The following GIT1 variants were observed in gnomAD, a reference collection of about 807,000 sequenced individuals.
GIT1 encodes the protein GIT ArfGAP 1.
A neutral mutation model predicts 91.7 loss-of-function variants in GIT1; 14 were observed. The ratio of observed to expected loss-of-function variants is 0.15; its 90% CI spans 0.10 to 0.24. GIT1 has a LOEUF of 0.24. GIT1 is among the 10% of genes least tolerant of loss of function. The pLI, the probability that GIT1 is intolerant of heterozygous loss-of-function variation, is 1.00. For synonymous variants in GIT1, 414 were observed against 418.2 expected (o/e 0.99, Z 0.12); for missense variants, 717 against 1,024.9 (o/e 0.70, Z 4.10).
At chr17:29,578,147 G>T in intron 9 of GIT1, 152 bp downstream of exon 9, 1 of 691,214 alleles carries the variant, frequency 1.4e-6, no homozygotes, top group Non-Finnish European at 2.6e-6. Flanking sequence ...CTGGGATGCT[G>T]CCCAGGCAGG....
rs780882502 is a variant in GIT1, at chr17:29,583,527, C to A, written c.142G>T (p.Val48Phe). The change falls in exon 2 of 20, where the codon GTC becomes TTC. Residue 48 changes from valine (V) to phenylalanine (F), a missense_variant. Coordinates refer to ENST00000225394, the MANE Select transcript of GIT1 (RefSeq NM_014030.4). The stretch of plus-strand genomic sequence containing the variant: ...CAGGCGCTGTGGCGAAGGTGCTTGA[C>A]AATGGAGATGTGGCGTCCCAGGCTC... ...HRSLGRHISIVKHLRHSAWPP... is the reference protein window; with the variant it reads ...HRSLGRHISIFKHLRHSAWPP... 1.2e-6 allele frequency: 2 copies of A among 1,612,562 alleles called. No individual in the cohort carries two copies.
intron 1 of GIT1, among the ~76,000 whole-genome samples, chr17:29,586,075 AG>A (rs2033586535): frequency 1.3e-5 from 2 of 152,182 alleles, no homozygotes; most frequent in Admixed American, 1.3e-4. Context: ...CTAAGGGAAA[AG>A]CCCACATCAT....
At chr17:29,585,909 A>G (rs1598580194) in intron 1 of GIT1, among the ~76,000 whole-genome samples, 1 of 152,116 alleles carries the variant, frequency 6.6e-6, no homozygotes, top group Admixed American at 6.5e-5. Context: ...TGATCCTGGG[A>G]TCACGTTAAC....
At position 29,581,590 on chromosome 17, in the gene GIT1, G is replaced by A. The variant is rs2033397059; in HGVS notation, c.718+152C>T. ...AGCCCCAGCGATGCTATGGCCCAGA[G>A]CCTGCAGTAATTTCACAGGAGCCAG... On this transcript the variant is annotated intron_variant, in intron 6 of 19. Coordinates refer to ENST00000225394, the MANE Select transcript of GIT1 (RefSeq NM_014030.4). This position sits in a 1 kb window ranked among gnomAD's most constrained non-coding sequence, Gnocchi z 4.8. The A allele has an allele frequency of 1.4e-6, 1 of 701,842 alleles. No homozygotes were observed. Among genetic ancestry groups the A allele is most frequent in the African/African-American group, 1.8e-5 (1 of 57,134 alleles). The allele number at this position is 701,842 out of a possible 1,614,324, so 43.5% of individuals were successfully genotyped here.
At chr17:29,577,329 T>G in intron 10 of GIT1, 82 bp from the exon 11 acceptor site, 1 of 1,052,274 alleles carries the variant, frequency 9.5e-7, no homozygotes, top group Non-Finnish European at 1.5e-6. Flanking sequence ...TAGCAAGGCA[T>G]GGCTCTGCCA....
At chr17:29,585,821 GAACTCGTC>G (rs921563782) in intron 1 of GIT1, among the ~76,000 whole-genome samples, 2 of 152,196 alleles carry the variant, frequency 1.3e-5, no homozygotes, top group African/African-American at 4.8e-5. Flanking sequence ...AACTGTAAGG[GAACTCGTC>G]AGCCCTCCCC....
chr17:29,578,674 TG>T, intron 8 of GIT1, 56 bp downstream of exon 8: 4 of 1,423,116 alleles, frequency 2.8e-6, no homozygotes, highest in East Asian at 2.3e-5. Context: ...GAGCAGAGGG[TG>T]GGGGATCAGA....
intron 2 of GIT1, 144 bp from the exon 3 acceptor site, chr17:29,583,181 T>G: frequency 1.5e-6 from 1 of 658,804 alleles, no homozygotes; most frequent in Non-Finnish European, 2.7e-6. Flanking sequence ...CACACCTCCA[T>G]CTAGTCCAGC....
At chr17:29,588,096 C>A (rs1335594587) in intron 1 of GIT1, among the ~76,000 whole-genome samples, 1 of 152,186 alleles carries the variant, frequency 6.6e-6, no homozygotes, top group Non-Finnish European at 1.5e-5. Flanking sequence ...TAGCTTGGCA[C>A]CCCCAGAACC....
At chr17:29,586,691 T>G (rs1196462694) in intron 1 of GIT1, among the ~76,000 whole-genome samples, 1 of 152,176 alleles carries the variant, frequency 6.6e-6, no homozygotes, top group Non-Finnish European at 1.5e-5. Flanking sequence ...AGGCCTTCAC[T>G]CTCACCCCCA....
In GIT1 at chr17:29,578,506, G is replaced by C. The variant is rs1598569538; in HGVS notation, c.811-135C>G. On this transcript the variant is annotated intron_variant, in intron 8 of 19. Coordinates refer to ENST00000225394, the MANE Select transcript of GIT1 (RefSeq NM_014030.4). ...GCCCAGCCCCTACAGTCTCAGAATG[G>C]GAAAGTGGAAAGGGATCATGTTCCA... 8.0e-6 allele frequency: 7 copies of C among 877,310 alleles called. No homozygotes were observed. In the East Asian group the frequency reaches 1.7e-4, roughly 21 times the overall value. The allele number at this position is 877,310 out of a possible 1,614,324, so 54.3% of individuals were successfully genotyped here.
rs557202823 is a variant in GIT1, at chr17:29,588,942, T to C, written c.52+385A>G. Among the ~76,000 whole-genome samples the C allele has an allele frequency of 2.0e-5, 3 of 152,106 alleles. No individual in the cohort carries two copies. In the South Asian group the frequency reaches 6.2e-4, roughly 32 times the overall value. ...ACGCGGGGGTGGCACTGAGATGACA[T>C]AAAACCACACTCGCCCCCACCTCCC... is the stretch of plus-strand genomic sequence containing the variant. On this transcript the variant is annotated intron_variant, in intron 1 of 19. Coordinates refer to ENST00000225394, the MANE Select transcript of GIT1 (RefSeq NM_014030.4).
At chr17:29,583,956 C>T (rs963205585) in intron 1 of GIT1, 8 of 314,868 alleles carry the variant, frequency 2.5e-5, no homozygotes, top group South Asian at 6.9e-5. Context: ...TGCCCCAGCC[C>T]GTCCCGAAGG....
intron 12 of GIT1, 22 bp from the exon 13 acceptor site, chr17:29,576,696 G>A (rs1420229524): frequency 1.9e-6 from 3 of 1,613,188 alleles, no homozygotes; most frequent in Non-Finnish European, 2.5e-6. Context: ...GACCTAAGCT[G>A]GTCAGCACCT....
chr17:29,584,806 G>A lies in GIT1; in HGVS notation c.53-1190C>T, dbSNP rs3744627. ...CTCCCAACTAGAAGGCAATTCTCAG[G>A]CCTTTCCCCTCTAAGGACTTCCACC... On this transcript the variant is annotated intron_variant, in intron 1 of 19. Coordinates refer to ENST00000225394, the MANE Select transcript of GIT1 (RefSeq NM_014030.4). Among the ~76,000 whole-genome samples the A allele has an allele frequency of 5.1e-3, 780 of 152,236 alleles. 23 individuals carry two copies. The highest frequency in any genetic ancestry group is 0.043 in the Admixed American group (663 of 15,296).
chr17:29,586,394 C>G (rs897620098), intron 1 of GIT1, among the ~76,000 whole-genome samples: 1 of 152,146 alleles, frequency 6.6e-6, no homozygotes, highest in East Asian at 1.9e-4. Flanking sequence ...CAAGAAAATT[C>G]TTCTTCCAAT....
rs1320184750 is a variant in GIT1 at position 29,575,133 on chromosome 17, G to C, written c.2019C>G (p.Pro673=). The C allele has an allele frequency of 6.3e-7, 1 of 1,599,842 alleles. No homozygotes were observed. The highest frequency in any genetic ancestry group is 8.5e-7 in the Non-Finnish European group (1 of 1,169,716). Residue 673 remains proline (P), a synonymous_variant, in exon 19 of 20, where the codon CCC becomes CCG. Coordinates refer to ENST00000225394, the MANE Select transcript of GIT1 (RefSeq NM_014030.4). This position sits in a 1 kb window ranked among gnomAD's most constrained non-coding sequence, Gnocchi z 5.5. ...AQEFKHDSFV[P]CSEKIHLAVT... ...CAGCCAAATGGATCTTCTCTGAGCA[G>C]GGCACGAAGCTGCGGGGAGAAGGGA...
chr17:29,587,575 C>T (rs1308188934), intron 1 of GIT1, among the ~76,000 whole-genome samples: 3 of 152,174 alleles, frequency 2.0e-5, no homozygotes, highest in Admixed American at 6.5e-5. Context: ...AGGCTGTGGT[C>T]GGACATTCAA....
intron 4 of GIT1, 58 bp from the exon 5 acceptor site, chr17:29,582,202 C>T: frequency 7.7e-7 from 1 of 1,295,872 alleles, no homozygotes; most frequent in Non-Finnish European, 1.1e-6. Context: ...CCTCCCCACC[C>T]ACAAGCTGCA....
Sources: gnomAD v4.1 joint callset for allele counts (sites outside exome capture counted in the v4.1 genomes callset) on GRCh38, gnomAD v4.1.1 for gene constraint, Gnocchi (gnomAD v3.1) non-coding constraint, MANE v1.5 for transcripts, NCBI Gene and HGNC (gene_info 2026-07-23, HGNC 2026-07-21) for gene names.